The following EGLN1 variants were observed in gnomAD, a reference collection of about 807,000 sequenced individuals.
The protein encoded by EGLN1 is egl-9 family hypoxia inducible factor 1, also known as egl nine homolog 1.
EGLN1 carries 17 observed loss-of-function variants against 38.3 expected under a neutral mutation model. The ratio of observed to expected loss-of-function variants is 0.44; its 90% CI spans 0.30 to 0.67. EGLN1 has a LOEUF of 0.67. Among genes scored for constraint, EGLN1 ranks in the 30% least tolerant of loss-of-function variants. EGLN1 has a pLI of 0.08. For synonymous variants in EGLN1, 283 were observed against 257.5 expected (o/e 1.10, Z -0.95); for missense variants, 477 against 603.3 (o/e 0.79, Z 2.19).
At chr1:231,366,596 G>C in intron 4 of EGLN1, 121 bp from the exon 5 acceptor site, 1 of 999,014 alleles carries the variant, frequency 1.0e-6, no homozygotes, top group Non-Finnish European at 1.5e-6. Context: ...AACATCATCT[G>C]AGAACTATCA....
Position 231,421,889 on chromosome 1 carries a change from GGC to G in EGLN1, c.-3_-2del. On this transcript the variant is annotated 5_prime_UTR_variant, in exon 1 of 5. Coordinates refer to ENST00000366641, the MANE Select transcript of EGLN1 (RefSeq NM_022051.3). This position sits in a 1 kb window ranked among gnomAD's most constrained non-coding sequence, Gnocchi z 5.5. The stretch of plus-strand genomic sequence containing the variant: ...CGGGCCCGCCGCTGTCATTGGCCAT[GGC>G]GGCGGCGGCGGCGGCGACGGCGACT... 7.1e-7 allele frequency: 1 copy of G among 1,399,510 alleles called. No homozygotes were observed. Among genetic ancestry groups the G allele is most frequent in the Non-Finnish European group, 9.2e-7 (1 of 1,085,526 alleles). 86.7% of individuals were successfully genotyped at this position (1,399,510 alleles called of 1,614,324 possible). A position where few individuals can be genotyped will look rare whatever the true frequency, so the allele number is the denominator to read the frequency against.
intron 1 of EGLN1, among the ~76,000 whole-genome samples, chr1:231,384,986 G>A (rs1371970478): frequency 6.6e-6 from 1 of 152,208 alleles, no homozygotes. Context: ...GTGGAAGGCA[G>A]AAGAGTAGTT....
At chr1:231,379,509 G>T (rs1212913532) in intron 1 of EGLN1, among the ~76,000 whole-genome samples, 2 of 152,140 alleles carry the variant, frequency 1.3e-5, no homozygotes, top group Admixed American at 1.3e-4. Context: ...TAAAAACAAG[G>T]TAATTATTTA....
intron 1 of EGLN1, among the ~76,000 whole-genome samples, chr1:231,415,196 C>T (rs1689047349): frequency 6.6e-6 from 1 of 151,682 alleles, no homozygotes; most frequent in Non-Finnish European, 1.5e-5. Context: ...TTGTTTGAGC[C>T]CAGGAGCTGG....
chr1:231,388,837 T>G (rs996099856), intron 1 of EGLN1, among the ~76,000 whole-genome samples: 1 of 152,114 alleles, frequency 6.6e-6, no homozygotes, highest in Admixed American at 6.5e-5. Flanking sequence ...ATATTTTTAA[T>G]AGAGACAGGA....
intron 1 of EGLN1, among the ~76,000 whole-genome samples, chr1:231,384,246 C>T (rs1158169898): frequency 2.0e-5 from 3 of 152,078 alleles, no homozygotes; most frequent in African/African-American, 7.2e-5. Flanking sequence ...ACCTACTATA[C>T]GTCAGGCACT....
intron 1 of EGLN1, among the ~76,000 whole-genome samples, chr1:231,408,674 A>G (rs908442811): frequency 6.6e-6 from 1 of 152,120 alleles, no homozygotes; most frequent in Non-Finnish European, 1.5e-5. Context: ...CCAATGTTGG[A>G]AATACAAGGG....
chr1:231,399,450 C>T (rs1164304948), intron 1 of EGLN1, among the ~76,000 whole-genome samples: 1 of 152,022 alleles, frequency 6.6e-6, no homozygotes, highest in East Asian at 1.9e-4. Context: ...GACACCAAAA[C>T]CAGAGAGAAA....
At chr1:231,370,379 CTTATA>C (rs1424209300) in intron 3 of EGLN1, among the ~76,000 whole-genome samples, 178 bp downstream of exon 3, 1 of 152,138 alleles carries the variant, frequency 6.6e-6, no homozygotes, top group Non-Finnish European at 1.5e-5. Flanking sequence ...GTTAATGAGT[CTTATA>C]TAATTATTTG....
chr1:231,367,979 C>T (rs12117153), intron 3 of EGLN1, among the ~76,000 whole-genome samples: 2,804 of 152,030 alleles, frequency 0.018, 32 homozygotes, highest in Middle Eastern at 0.031. Flanking sequence ...GTCAGGACTT[C>T]GAGACCAACC....
rs759458847 is a variant in EGLN1, at chr1:231,401,032, CAG to C, written c.891+19964_891+19965del. ...AGCCTCTGCACTCCAGCCTGGGCAA[CAG>C]AGTGAGACCCTATCTCAAAATAAAC... is the stretch of plus-strand genomic sequence containing the variant. On this transcript the variant is annotated intron_variant, in intron 1 of 4. Coordinates refer to ENST00000366641, the MANE Select transcript of EGLN1 (RefSeq NM_022051.3). Among the ~76,000 whole-genome samples the C allele has an allele frequency of 1.4e-4, 21 of 152,248 alleles. No individual in the cohort carries two copies. In the South Asian group the frequency reaches 2.7e-3, roughly 20 times the overall value.
intron 1 of EGLN1, among the ~76,000 whole-genome samples, chr1:231,379,990 T>C (rs1407742079): frequency 2.0e-5 from 3 of 152,146 alleles, no homozygotes; most frequent in South Asian, 4.1e-4. Flanking sequence ...CTAGTTCAAA[T>C]ACGGAAGAAA....
chr1:231,382,075 C>T (rs962033490), intron 1 of EGLN1, among the ~76,000 whole-genome samples: 1 of 152,160 alleles, frequency 6.6e-6, no homozygotes, highest in South Asian at 2.1e-4. Context: ...GTCTGCAATT[C>T]GGCATTAAAA....
chr1:231,412,358 T>C (rs1444376729), intron 1 of EGLN1, among the ~76,000 whole-genome samples: 1 of 152,236 alleles, frequency 6.6e-6, no homozygotes, highest in East Asian at 1.9e-4. Context: ...TTTTCAACAG[T>C]AGGTTTAAAT....
chr1:231,421,331 C>G lies in EGLN1; in HGVS notation c.558G>C (p.Lys186Asn), dbSNP rs201365992. ...GGGLRPNGQTKPLPALKLALE... is the reference protein window; with the variant it reads ...GGGLRPNGQTNPLPALKLALE... ...GCGCCAGCTTCAGCGCCGGCAGGGG[C>G]TTCGTCTGCCCGTTGGGCCGCAGGC... is the stretch of plus-strand genomic sequence containing the variant. The change falls in exon 1 of 5, where the codon AAG (lysine) becomes AAC (asparagine). Residue 186 changes from lysine (K) to asparagine (N), a missense_variant. Physicochemically the swap from Lys to Asn is moderately conservative, Grantham distance 94. This residue lies in a region of EGLN1 where 298 missense variants were observed against 288.9 expected (regional missense o/e 1.03). Transcript: ENST00000366641. This position sits in a 1 kb window ranked among gnomAD's most constrained non-coding sequence, Gnocchi z 5.5. The G allele has an allele frequency of 4.4e-4, 713 of 1,611,792 alleles. No individual in the cohort carries two copies. Among genetic ancestry groups the G allele is most frequent in the Non-Finnish European group, 5.9e-4 (701 of 1,179,324 alleles).
intron 1 of EGLN1, among the ~76,000 whole-genome samples, chr1:231,395,447 A>T (rs537751084): frequency 6.6e-6 from 1 of 152,340 alleles, no homozygotes; most frequent in South Asian, 2.1e-4. Context: ...TAAGTTCTAA[A>T]AACTGGATGC....
intron 1 of EGLN1, among the ~76,000 whole-genome samples, chr1:231,387,249 A>ACACG (rs1445153323): frequency 6.6e-6 from 1 of 151,198 alleles, no homozygotes; most frequent in Admixed American, 6.6e-5. Flanking sequence ...ACACACACAC[A>ACACG]CACACACCCC....
At chr1:231,382,177 C>G (rs1347464391) in intron 1 of EGLN1, among the ~76,000 whole-genome samples, 1 of 152,194 alleles carries the variant, frequency 6.6e-6, no homozygotes, top group Non-Finnish European at 1.5e-5. Context: ...AGGTACTGCA[C>G]TAGGCATGAG....
In EGLN1 at chr1:231,367,561, A is replaced by G. The variant is rs1200061603; in HGVS notation, c.1216+8T>C. On this transcript the variant is annotated splice_region_variant and intron_variant, in intron 4 of 4. Transcript: ENST00000366641. ...TACCAATATATCCTGGCCCCAAATG[A>G]CGTTTACCTGTTAGATATTTTACTT... The G allele has an allele frequency of 1.2e-6, 2 of 1,613,882 alleles. No individual in the cohort carries two copies. The highest frequency in any genetic ancestry group is 1.7e-6 in the Non-Finnish European group (2 of 1,179,880).
Sources: allele counts gnomAD v4.1 joint callset (sites outside exome capture counted in the v4.1 genomes callset), GRCh38; gene constraint gnomAD v4.1.1; regional missense constraint gnomAD v4.1.1; non-coding constraint Gnocchi (gnomAD v3.1); transcripts MANE v1.5; gene names NCBI Gene and HGNC (gene_info 2026-07-23, HGNC 2026-07-21).